Variants in SMARCC1 observed in about 807,000 individuals in gnomAD.
SMARCC1 encodes SWI/SNF complex subunit SMARCC1.
Under a neutral mutation model 147.4 loss-of-function variants are expected in SMARCC1, and 43 were observed. That is an observed-to-expected ratio of 0.29 (90% CI 0.23 to 0.38). The LOEUF is 0.38. SMARCC1 is among the 10% of genes least tolerant of loss of function. SMARCC1 has a pLI of 1.00. For missense variants in SMARCC1, 1,119 were observed against 1,381.1 expected, an observed-to-expected ratio of 0.81 and a Z score of 3.01; for synonymous variants, 495 against 484.4, an observed-to-expected ratio of 1.02 and a Z score of -0.29.
intron 25 of SMARCC1, among the ~76,000 whole-genome samples, chr3:47,616,322 AT>A (rs556949230): frequency 2.6e-5 from 4 of 152,170 alleles, no homozygotes; most frequent in Non-Finnish European, 5.9e-5. Flanking sequence ...TGCTTTTCTC[AT>A]GTCAATTCCC....
chr3:47,590,593 T>C, intron 27 of SMARCC1, 68 bp downstream of exon 27: 1 of 1,349,988 alleles, frequency 7.4e-7, no homozygotes, highest in South Asian at 1.7e-5. Context: ...GAACAAAGCC[T>C]CCTTCCCTTA....
rs1345322913 is a variant in SMARCC1 at position 47,587,599 on chromosome 3, C to T, written c.*610G>A. The T allele has an allele frequency of 6.5e-6, 1 of 152,864 alleles. No individual in the cohort carries two copies. Among genetic ancestry groups the T allele is most frequent in the African/African-American group, 2.4e-5 (1 of 41,434 alleles). 9.5% of individuals were successfully genotyped at this position (152,864 alleles called of 1,614,324 possible). ...TAAAATCACTGAGGTTCTCCTTCCA[C>T]ATCTCGTTTAATTTTCACAAATTTG... On this transcript the variant is annotated 3_prime_UTR_variant, in exon 28 of 28. Transcript: ENST00000254480.
chr3:47,684,196 C>G (rs1427905513), intron 14 of SMARCC1, among the ~76,000 whole-genome samples: 1 of 150,052 alleles, frequency 6.7e-6, no homozygotes, highest in South Asian at 2.1e-4. Flanking sequence ...GCCGAGATCC[C>G]GCCACTGCAG....
chr3:47,642,418 C>T (rs1292059737), intron 21 of SMARCC1, among the ~76,000 whole-genome samples: 4 of 151,948 alleles, frequency 2.6e-5, no homozygotes, highest in African/African-American at 4.8e-5. Context: ...GGTGAAACCC[C>T]GTCTCTACTA....
chr3:47,751,797 A>G (rs2034633221), intron 2 of SMARCC1, among the ~76,000 whole-genome samples: 1 of 151,762 alleles, frequency 6.6e-6, no homozygotes, highest in Non-Finnish European at 1.5e-5. Flanking sequence ...CGAGATAAAA[A>G]CCTTGGCCAG....
chr3:47,610,711 C>T (rs2032552823), intron 25 of SMARCC1: 1 of 241,950 alleles, frequency 4.1e-6, no homozygotes, highest in Admixed American at 5.0e-5. Flanking sequence ...CTCTCTTGTC[C>T]TTGTAATAGT....
At chr3:47,695,665 G>T (rs1366646578) in intron 11 of SMARCC1, among the ~76,000 whole-genome samples, 1 of 150,728 alleles carries the variant, frequency 6.6e-6, no homozygotes, top group Non-Finnish European at 1.5e-5. Flanking sequence ...TACTAGGGAG[G>T]CTGAAGCAGA....
chr3:47,658,518 C>CAT (rs1374410524), intron 21 of SMARCC1, among the ~76,000 whole-genome samples: 1 of 152,212 alleles, frequency 6.6e-6, no homozygotes, highest in Non-Finnish European at 1.5e-5. Flanking sequence ...TAAATGCAAT[C>CAT]ATATAATATA....
At chr3:47,717,987 T>C (rs945236277) in intron 7 of SMARCC1, among the ~76,000 whole-genome samples, 2 of 151,408 alleles carry the variant, frequency 1.3e-5, no homozygotes, top group African/African-American at 4.9e-5. Flanking sequence ...GCACCCCCCC[T>C]GCCCCCGCCA....
intron 2 of SMARCC1, among the ~76,000 whole-genome samples, chr3:47,765,488 A>G (rs1170115545): frequency 6.6e-6 from 1 of 152,082 alleles, no homozygotes; most frequent in Admixed American, 6.6e-5. Flanking sequence ...AAGAAACTAA[A>G]CCATTATTCC....
intron 13 of SMARCC1, among the ~76,000 whole-genome samples, chr3:47,688,972 G>A (rs2033761240): frequency 6.6e-6 from 1 of 152,078 alleles, no homozygotes; most frequent in Admixed American, 6.6e-5. Context: ...CACTTTGGGA[G>A]GCTGAGGCAG....
intron 25 of SMARCC1, among the ~76,000 whole-genome samples, chr3:47,614,066 C>T (rs1027242587): frequency 3.9e-5 from 6 of 152,160 alleles, no homozygotes; most frequent in African/African-American, 1.4e-4. Context: ...AGACTTGAAG[C>T]CTCAGAGCTA....
chr3:47,697,621 GAA>G (rs71070212), intron 11 of SMARCC1, among the ~76,000 whole-genome samples: 13 of 131,992 alleles, frequency 9.8e-5, no homozygotes, highest in Non-Finnish European at 6.6e-5. Flanking sequence ...ACTCTTAAGG[GAA>G]AAAAAAAAAA....
intron 8 of SMARCC1, among the ~76,000 whole-genome samples, chr3:47,712,582 T>A (rs895832432): frequency 6.6e-6 from 1 of 152,154 alleles, no homozygotes; most frequent in African/African-American, 2.4e-5. Context: ...CATTTAACTC[T>A]CCTAAGCACA....
chr3:47,770,344 G>A (rs2034898510), intron 2 of SMARCC1, among the ~76,000 whole-genome samples: 1 of 152,062 alleles, frequency 6.6e-6, no homozygotes, highest in Non-Finnish European at 1.5e-5. Context: ...CCTGGGACCA[G>A]GCACAGTGGC....
intron 21 of SMARCC1, among the ~76,000 whole-genome samples, chr3:47,653,567 AC>A (rs2033221041): frequency 6.6e-6 from 1 of 152,224 alleles, no homozygotes; most frequent in South Asian, 2.1e-4. Context: ...GTGACATGAA[AC>A]GTAAGAGACA....
chr3:47,773,057 G>C (rs935882532), intron 1 of SMARCC1, 121 bp from the exon 2 acceptor site: 1 of 778,564 alleles, frequency 1.3e-6, no homozygotes, highest in Non-Finnish European at 2.0e-6. Flanking sequence ...TCTGAGACAC[G>C]CTCTGTGCTA....
At chr3:47,696,077 AG>A (rs56779302) in intron 11 of SMARCC1, among the ~76,000 whole-genome samples, 9,783 of 24,902 alleles carry the variant, frequency 0.39, 640 homozygotes, top group African/African-American at 0.48. Context: ...AAAAAAAAAA[AG>A]GGGGGGGGGG....
intron 3 of SMARCC1, among the ~76,000 whole-genome samples, chr3:47,741,091 A>C (rs987451566): frequency 2.6e-5 from 4 of 152,056 alleles, no homozygotes; most frequent in Non-Finnish European, 1.5e-5. Context: ...ACCAGTTTAC[A>C]AGAAATTTAG....
Sources: gnomAD v4.1 joint callset for allele counts (sites outside exome capture counted in the v4.1 genomes callset) on GRCh38, gnomAD v4.1.1 for gene constraint, MANE v1.5 for transcripts, NCBI Gene and HGNC (gene_info 2026-07-23, HGNC 2026-07-21) for gene names.